The following VSTM5 variants were observed in gnomAD, a reference collection of about 807,000 sequenced individuals.
VSTM5 encodes V-set and transmembrane domain containing 5.
A neutral mutation model predicts 20.3 loss-of-function variants in VSTM5; 21 were observed. That is an observed-to-expected ratio of 1.03 (90% CI 0.73 to 1.49). The LOEUF (loss-of-function observed/expected upper bound fraction) is 1.49. VSTM5 is among the 40% of genes most tolerant of loss of function. VSTM5 has a pLI of 0.00. For missense variants in VSTM5, 219 were observed against 250.0 expected (o/e 0.88, Z 0.84); for synonymous variants, 100 against 102.5 (o/e 0.98, Z 0.14).
chr11:93,827,192 T>G (rs1677779694), intron 1 of VSTM5, among the ~76,000 whole-genome samples: 1 of 152,176 alleles, frequency 6.6e-6, no homozygotes, highest in South Asian at 2.1e-4. Context: ...AAGACCAGCC[T>G]GACCAACATG....
chr11:93,833,696 G>C (rs1004201161), intron 1 of VSTM5, among the ~76,000 whole-genome samples: 2 of 152,148 alleles, frequency 1.3e-5, no homozygotes, highest in African/African-American at 4.8e-5. Context: ...CTTTGAGATT[G>C]TTCCACACTC....
At chr11:93,826,448 A>G (rs1033532187) in intron 1 of VSTM5, among the ~76,000 whole-genome samples, 6 of 151,556 alleles carry the variant, frequency 4.0e-5, no homozygotes, top group Admixed American at 3.9e-4. Flanking sequence ...CCCAGGCTGG[A>G]GTGCAGTGGC....
intron 1 of VSTM5, among the ~76,000 whole-genome samples, chr11:93,827,937 G>A (rs1238004722): frequency 6.6e-6 from 1 of 152,128 alleles, no homozygotes; most frequent in Non-Finnish European, 1.5e-5. Context: ...AGTAATATAT[G>A]TTAAACTGTT....
intron 1 of VSTM5, among the ~76,000 whole-genome samples, chr11:93,834,611 G>A (rs1258729160): frequency 1.3e-5 from 2 of 150,796 alleles, no homozygotes; most frequent in Non-Finnish European, 3.0e-5. Context: ...TGTAAAGTCC[G>A]GGTCTACAAA....
intron 1 of VSTM5, among the ~76,000 whole-genome samples, chr11:93,848,257 AG>A (rs1944429263): frequency 6.6e-6 from 1 of 152,186 alleles, no homozygotes; most frequent in South Asian, 2.1e-4. Context: ...GGTAGGAAGG[AG>A]GAGGCCTACT....
intron 1 of VSTM5, among the ~76,000 whole-genome samples, chr11:93,849,849 A>T (rs1443027759): frequency 6.6e-6 from 1 of 152,218 alleles, no homozygotes; most frequent in Non-Finnish European, 1.5e-5. Flanking sequence ...GACCACCTCC[A>T]GCCTGGGGAC....
intron 1 of VSTM5, among the ~76,000 whole-genome samples, chr11:93,823,574 CTCTATT>C (rs1311999789): frequency 6.6e-6 from 1 of 152,194 alleles, no homozygotes; most frequent in Non-Finnish European, 1.5e-5. Flanking sequence ...AACAGTTCTA[CTCTATT>C]TCTATGAGTT....
chr11:93,822,114 C>T (rs1342688817), intron 1 of VSTM5: 1 of 152,054 alleles, frequency 6.6e-6, no homozygotes, highest in Non-Finnish European at 1.5e-5. Context: ...TGGGGTCTCG[C>T]TCTGTCGCCC....
chr11:93,828,571 A>G (rs1944256763), intron 1 of VSTM5, among the ~76,000 whole-genome samples: 1 of 152,228 alleles, frequency 6.6e-6, no homozygotes, highest in Non-Finnish European at 1.5e-5. Context: ...AGATGGCAAG[A>G]ATATAAACTA....
chr11:93,822,896 G>T (rs55773627), intron 1 of VSTM5, among the ~76,000 whole-genome samples: 8 of 152,268 alleles, frequency 5.3e-5, no homozygotes, highest in Non-Finnish European at 1.0e-4. Flanking sequence ...AAGATTTAGA[G>T]AACTATATTT....
intron 1 of VSTM5, among the ~76,000 whole-genome samples, chr11:93,845,379 G>C (rs1944405204): frequency 6.6e-6 from 1 of 152,162 alleles, no homozygotes; most frequent in Non-Finnish European, 1.5e-5. Flanking sequence ...ACTGCCCCAG[G>C]GTGTGTCTCA....
At chr11:93,837,921 A>G (rs1000781902) in intron 1 of VSTM5, among the ~76,000 whole-genome samples, 1 of 151,622 alleles carries the variant, frequency 6.6e-6, no homozygotes, top group Non-Finnish European at 1.5e-5. Context: ...GCATGGCACA[A>G]CTGATTCAGA....
At chr11:93,842,712 G>A (rs1332991475) in intron 1 of VSTM5, among the ~76,000 whole-genome samples, 1 of 152,246 alleles carries the variant, frequency 6.6e-6, no homozygotes, top group Non-Finnish European at 1.5e-5. Flanking sequence ...AGGAAGATAA[G>A]GGAGAAAATG....
intron 1 of VSTM5, among the ~76,000 whole-genome samples, chr11:93,849,268 C>T (rs1194876224): frequency 6.6e-6 from 1 of 152,194 alleles, no homozygotes; most frequent in Non-Finnish European, 1.5e-5. Context: ...ACCTCAGCTC[C>T]CCCGCCGCCC....
At chr11:93,841,427 G>A (rs1036350618) in intron 1 of VSTM5, among the ~76,000 whole-genome samples, 1 of 152,152 alleles carries the variant, frequency 6.6e-6, no homozygotes, top group Non-Finnish European at 1.5e-5. Flanking sequence ...CAAGGACCTG[G>A]ACAACTCACT....
intron 1 of VSTM5, among the ~76,000 whole-genome samples, chr11:93,825,537 G>A (rs536990948): frequency 7.9e-5 from 12 of 152,112 alleles, no homozygotes; most frequent in African/African-American, 1.7e-4. Context: ...TCTGCAGATC[G>A]CTTTGGGTAA....
chr11:93,830,551 T>G (rs550763943), intron 1 of VSTM5, among the ~76,000 whole-genome samples: 1 of 152,196 alleles, frequency 6.6e-6, no homozygotes, highest in African/African-American at 2.4e-5. Flanking sequence ...AAAATATACT[T>G]GCATGAATGA....
chr11:93,828,228 A>G (rs1287401383), intron 1 of VSTM5, among the ~76,000 whole-genome samples: 1 of 152,224 alleles, frequency 6.6e-6, no homozygotes, highest in Non-Finnish European at 1.5e-5. Context: ...TGCCTCTTAA[A>G]GAACAAGTCA....
rs997772238 is a variant in VSTM5 at position 93,820,794 on chromosome 11, A to G, written c.508T>C (p.Cys170Arg). 3 of 1,551,386 alleles carry G rather than the reference A, an allele frequency of 1.9e-6. No individual in the cohort carries two copies. The African/African-American group carries it at 4.1e-5, about 21-fold the overall frequency. ...TGAAATTTATATGCACACTTATTAC[A>G]AACCCACATGAGGCTGATTAATACT... ...AAVLISLMWV[C>R]NKCAYKFQRK... The change falls in exon 3 of 4, where the codon TGT (cysteine) becomes CGT (arginine). Residue 170 changes from cysteine (C) to arginine (R), a missense_variant. Cys to Arg is a radical substitution (Grantham distance 180). Transcript: ENST00000409977.
Sources: gnomAD v4.1 joint callset for allele counts (sites outside exome capture counted in the v4.1 genomes callset) on GRCh38, gnomAD v4.1.1 for gene constraint, MANE v1.5 for transcripts, NCBI Gene and HGNC (gene_info 2026-07-23, HGNC 2026-07-21) for gene names.